The following CTNNA2 variants were observed in gnomAD, a reference collection of about 807,000 sequenced individuals.
CTNNA2 encodes catenin alpha-2.
In CTNNA2, 42 loss-of-function variants were observed where a neutral mutation model predicts 101.0. The observed-to-expected ratio is 0.42, with a 90% CI of 0.32 to 0.54. The LOEUF is 0.54. Among genes scored for constraint, CTNNA2 ranks in the 20% least tolerant of loss-of-function variants. The pLI, the probability that CTNNA2 is intolerant of heterozygous loss-of-function variation, is 0.14. For synonymous variants in CTNNA2, 450 were observed against 456.4 expected (o/e 0.99, Z 0.18); for missense variants, 871 against 1,223.1 (o/e 0.71, Z 4.29).
intron 2 of CTNNA2, among the ~76,000 whole-genome samples, chr2:79,674,644 T>G (rs982713267): frequency 6.6e-5 from 10 of 152,192 alleles, no homozygotes; most frequent in Non-Finnish European, 1.3e-4. Context: ...TTCTCTAGTA[T>G]GTAGACCGCC....
At position 79,855,228 on chromosome 2, in the gene CTNNA2, C is replaced by T. The variant is rs111992012; in HGVS notation, c.299-2785C>T. Among the ~76,000 whole-genome samples the T allele has an allele frequency of 1.7e-3, 253 of 152,236 alleles. 4 individuals carry two copies. The highest frequency in any genetic ancestry group is 5.7e-3 in the African/African-American group (236 of 41,532). Reference sequence around the variant, plus strand: ...TCTTTCTCTTTCTTTCTCTCTCTCTCTGTCTGTCTCTTCCCTGTCTCCCTC... The same window carrying T: ...TCTTTCTCTTTCTTTCTCTCTCTCTTTGTCTGTCTCTTCCCTGTCTCCCTC... On this transcript the variant is annotated intron_variant, in intron 3 of 18. Transcript: ENST00000402739.
chr2:79,531,474 A>AT (rs1672739313), intron 1 of CTNNA2, among the ~76,000 whole-genome samples: 1 of 151,898 alleles, frequency 6.6e-6, no homozygotes, highest in South Asian at 2.1e-4. Flanking sequence ...ATACCTACTA[A>AT]TTAGGAAATT....
intron 3 of CTNNA2, among the ~76,000 whole-genome samples, chr2:79,763,206 T>C (rs771843797): frequency 6.8e-6 from 1 of 147,824 alleles, no homozygotes; most frequent in Non-Finnish European, 1.5e-5. Flanking sequence ...CATTTCTATA[T>C]GGTAAAATGA....
intron 7 of CTNNA2, among the ~76,000 whole-genome samples, chr2:80,179,849 T>C (rs1171125089): frequency 3.3e-5 from 5 of 152,178 alleles, no homozygotes. Flanking sequence ...AGGTAGCCAA[T>C]GTGGGGGTTC....
chr2:80,236,768 T>G (rs1405752093), intron 7 of CTNNA2, among the ~76,000 whole-genome samples: 1 of 152,190 alleles, frequency 6.6e-6, no homozygotes, highest in African/African-American at 2.4e-5. Flanking sequence ...TGAAATAGTT[T>G]TCCTGGGCTC....
At chr2:79,378,958 G>A (rs1002334544) in intron 4 of CTNNA2, among the ~76,000 whole-genome samples, 1 of 152,138 alleles carries the variant, frequency 6.6e-6, no homozygotes, top group African/African-American at 2.4e-5. Context: ...GATCGCTCAG[G>A]TGGACTAGAT....
intron 7 of CTNNA2, among the ~76,000 whole-genome samples, chr2:80,276,353 C>A (rs74322714): frequency 3.3e-5 from 5 of 152,090 alleles, no homozygotes; most frequent in South Asian, 4.1e-4. Flanking sequence ...GATTTCTGCC[C>A]GGCTGGATAC....
intron 2 of CTNNA2, among the ~76,000 whole-genome samples, chr2:79,239,742 T>A (rs1674599096): frequency 6.6e-6 from 1 of 152,140 alleles, no homozygotes; most frequent in Non-Finnish European, 1.5e-5. Flanking sequence ...AAAGAAACTA[T>A]CATTGTCATG....
chr2:79,885,462 T>G (rs1003300630), intron 6 of CTNNA2, among the ~76,000 whole-genome samples: 3 of 152,224 alleles, frequency 2.0e-5, no homozygotes, highest in Non-Finnish European at 2.9e-5. Context: ...TGACTTATGA[T>G]TTCTTCAACA....
At chr2:79,694,416 C>T (rs1684518435) in intron 2 of CTNNA2, among the ~76,000 whole-genome samples, 1 of 151,904 alleles carries the variant, frequency 6.6e-6, no homozygotes, top group Non-Finnish European at 1.5e-5. Flanking sequence ...AAATAATAAA[C>T]AAGATGCAAG....
At chr2:79,779,261 A>C (rs1416788299) in intron 3 of CTNNA2, among the ~76,000 whole-genome samples, 1 of 152,152 alleles carries the variant, frequency 6.6e-6, no homozygotes, top group Non-Finnish European at 1.5e-5. Context: ...CCAACGATAG[A>C]TTGAAGCCTC....
rs561659918 is a variant in CTNNA2 at position 79,557,494 on chromosome 2, T to C, written c.-6+44287T>C. On this transcript the variant is annotated intron_variant, in intron 1 of 18. Coordinates refer to ENST00000402739, the MANE Select transcript of CTNNA2 (RefSeq NM_001282597.3). Reference sequence around the variant, plus strand: ...TTAAAAAAAAAATGACCTACACTTATAATTTGCCTACTTAGTTTTAAACTC... The same window carrying C: ...TTAAAAAAAAAATGACCTACACTTACAATTTGCCTACTTAGTTTTAAACTC... Among the ~76,000 whole-genome samples the C allele has an allele frequency of 4.3e-4, 66 of 152,104 alleles. 1 individual carries two copies. In the South Asian group the frequency reaches 0.013, roughly 31 times the overall value.
At chr2:79,898,499 G>A (rs777885269) in intron 6 of CTNNA2, among the ~76,000 whole-genome samples, 1 of 152,116 alleles carries the variant, frequency 6.6e-6, no homozygotes, top group African/African-American at 2.4e-5. Flanking sequence ...AGCTACAAGT[G>A]CACGGGCCTT....
chr2:79,475,131 T>A (rs1671037699), intron 4 of CTNNA2, among the ~76,000 whole-genome samples: 1 of 152,184 alleles, frequency 6.6e-6, no homozygotes, highest in Admixed American at 6.5e-5. Flanking sequence ...CTTTTTTCTT[T>A]TTTTTGTCCC....
At chr2:79,220,611 G>A (rs879913242) in intron 2 of CTNNA2, among the ~76,000 whole-genome samples, 9 of 152,056 alleles carry the variant, frequency 5.9e-5, no homozygotes, top group Admixed American at 6.6e-5. Context: ...GTAAGCAGAT[G>A]GGCATTGTAC....
chr2:79,966,813 T>C (rs796392651), intron 7 of CTNNA2, among the ~76,000 whole-genome samples: 3 of 152,260 alleles, frequency 2.0e-5, no homozygotes, highest in African/African-American at 7.2e-5. Context: ...TGCAACTTTT[T>C]TTATTCTATT....
intron 4 of CTNNA2, among the ~76,000 whole-genome samples, chr2:79,440,854 G>A (rs1558667193): frequency 6.6e-6 from 1 of 152,136 alleles, no homozygotes; most frequent in Non-Finnish European, 1.5e-5. Context: ...ATAGTCAATT[G>A]TCCCTGTCAT....
intron 3 of CTNNA2, among the ~76,000 whole-genome samples, chr2:79,853,183 A>G (rs1348939328): frequency 7.0e-6 from 1 of 142,870 alleles, no homozygotes; most frequent in Non-Finnish European, 1.6e-5. Flanking sequence ...TTTTTGAGAC[A>G]GGTCTCACTC....
chr2:80,332,510 C>T (rs927463467), intron 7 of CTNNA2, among the ~76,000 whole-genome samples: 2 of 152,068 alleles, frequency 1.3e-5, no homozygotes, highest in African/African-American at 4.8e-5. Flanking sequence ...ATGTCAAGCC[C>T]AGTAATGCTT....
Sources: gnomAD v4.1 joint callset for allele counts (sites outside exome capture counted in the v4.1 genomes callset) on GRCh38, gnomAD v4.1.1 for gene constraint, MANE v1.5 for transcripts, NCBI Gene and HGNC (gene_info 2026-07-23, HGNC 2026-07-21) for gene names.